SLC24A2: variants seen among roughly 807,000 people sequenced by gnomAD.
SLC24A2 encodes the protein solute carrier family 24 member 2, also known as sodium/potassium/calcium exchanger 2.
In SLC24A2, 36 loss-of-function variants were observed where a neutral mutation model predicts 62.0. The ratio of observed to expected loss-of-function variants is 0.58; its 90% CI spans 0.44 to 0.77. The LOEUF (loss-of-function observed/expected upper bound fraction) is 0.77. Among genes scored for constraint, SLC24A2 ranks in the 30% least tolerant of loss-of-function variants. SLC24A2 has a pLI of 0.00. For missense variants in SLC24A2, 846 were observed against 817.9 expected (o/e 1.03, Z -0.42); for synonymous variants, 358 against 294.0 (o/e 1.22, Z -2.23).
At chr9:19,814,627 C>T in the SLC24A2 span, among the ~76,000 whole-genome samples, 559 of 152,198 alleles carry the variant, frequency 3.7e-3, 7 homozygotes, top group African/African-American at 0.013. Context: ...GTGTCTAGGG[C>T]CATAATCTGC....
the SLC24A2 span, among the ~76,000 whole-genome samples, chr9:20,233,951 G>C: frequency 3.3e-5 from 5 of 152,160 alleles, no homozygotes; most frequent in Non-Finnish European, 7.3e-5. Flanking sequence ...GCTTTTGCTT[G>C]TCTGTAAAGT....
the SLC24A2 span, among the ~76,000 whole-genome samples, chr9:20,090,949 C>T: frequency 1.3e-5 from 2 of 151,660 alleles, no homozygotes; most frequent in South Asian, 4.2e-4. Flanking sequence ...TCCAAGGAAA[C>T]AGAATCACAA....
chr9:19,524,063 G>A (rs894966767), intron 9 of SLC24A2, among the ~76,000 whole-genome samples: 1 of 149,708 alleles, frequency 6.7e-6, no homozygotes, highest in Non-Finnish European at 1.5e-5. Flanking sequence ...TGAAAAATCA[G>A]GGAGCATCAG....
the SLC24A2 span, among the ~76,000 whole-genome samples, chr9:20,129,968 G>A: frequency 1.5e-5 from 1 of 64,696 alleles, no homozygotes; most frequent in Non-Finnish European, 4.8e-5. Flanking sequence ...CACACACAGA[G>A]GTTAAGATTT....
chr9:20,114,888 C>T, the SLC24A2 span, among the ~76,000 whole-genome samples: 1 of 152,166 alleles, frequency 6.6e-6, no homozygotes, highest in Non-Finnish European at 1.5e-5. Context: ...TTCTATAAAA[C>T]AAATTGACAA....
rs548657141 is a variant in SLC24A2, at chr9:19,546,081, T to G, written c.1479+4056A>C. 1.2e-3 allele frequency among the ~76,000 whole-genome samples: 182 copies of G among 152,326 alleles called. 1 individual carries two copies. The highest frequency in any genetic ancestry group is 4.1e-3 in the African/African-American group (171 of 41,570). The stretch of plus-strand genomic sequence containing the variant: ...CGTGTTGTTTCCTCTGGAACCTTTG[T>G]CTCATACGGGCACCTGCCAGATGCC... On this transcript the variant is annotated intron_variant, in intron 8 of 10. Coordinates refer to ENST00000341998, the MANE Select transcript of SLC24A2 (RefSeq NM_020344.4).
chr9:20,295,761 C>T, the SLC24A2 span, among the ~76,000 whole-genome samples: 1 of 152,182 alleles, frequency 6.6e-6, no homozygotes, highest in Admixed American at 6.5e-5. Context: ...GTTACACCAT[C>T]TGCTTTCTAG....
the SLC24A2 span, among the ~76,000 whole-genome samples, chr9:20,025,332 G>A: frequency 6.6e-6 from 1 of 152,044 alleles, no homozygotes; most frequent in Non-Finnish European, 1.5e-5. Context: ...GAATAAATGA[G>A]TGGTAAATCA....
chr9:19,829,442 T>A, the SLC24A2 span, among the ~76,000 whole-genome samples: 1 of 152,194 alleles, frequency 6.6e-6, no homozygotes, highest in Non-Finnish European at 1.5e-5. Context: ...AATGAATGAT[T>A]TGAAAGGCAT....
chr9:20,235,241 C>G, the SLC24A2 span, among the ~76,000 whole-genome samples: 2 of 152,210 alleles, frequency 1.3e-5, no homozygotes, highest in African/African-American at 4.8e-5. Context: ...GAACCATGCT[C>G]TCTTCAAAGC....
At chr9:19,862,517 A>G in the SLC24A2 span, among the ~76,000 whole-genome samples, 2 of 152,118 alleles carry the variant, frequency 1.3e-5, no homozygotes. Flanking sequence ...CTCACTGGTA[A>G]TCGTTAAGTA....
chr9:19,739,966 C>T (rs1175346178), intron 2 of SLC24A2, among the ~76,000 whole-genome samples: 1 of 152,134 alleles, frequency 6.6e-6, no homozygotes, highest in East Asian at 1.9e-4. Context: ...AAATCAATTA[C>T]AGAATATATT....
chr9:19,934,121 A>G, the SLC24A2 span, among the ~76,000 whole-genome samples: 1 of 152,252 alleles, frequency 6.6e-6, no homozygotes, highest in East Asian at 1.9e-4. The surrounding 1 kb of genome is among the most constrained non-coding windows in gnomAD (Gnocchi z 4.1). Context: ...ATTTTATAGT[A>G]TCTGAATTAT....
chr9:19,738,265 T>C (rs1821568160), intron 2 of SLC24A2, among the ~76,000 whole-genome samples: 1 of 152,318 alleles, frequency 6.6e-6, no homozygotes, highest in Non-Finnish European at 1.5e-5. Context: ...GCACAACTTA[T>C]AAACTTTCAT....
At chr9:19,892,454 G>C in the SLC24A2 span, among the ~76,000 whole-genome samples, 4 of 152,106 alleles carry the variant, frequency 2.6e-5, no homozygotes, top group African/African-American at 9.7e-5. Flanking sequence ...AATATTCTTA[G>C]TGCCTAGAGC....
chr9:20,189,170 T>A, the SLC24A2 span, among the ~76,000 whole-genome samples: 1 of 151,724 alleles, frequency 6.6e-6, no homozygotes, highest in Admixed American at 6.6e-5. Flanking sequence ...AGCAAGAAGT[T>A]GGTTCGATCT....
the SLC24A2 span, among the ~76,000 whole-genome samples, chr9:20,015,870 G>A: frequency 6.6e-6 from 1 of 152,148 alleles, no homozygotes; most frequent in Non-Finnish European, 1.5e-5. Context: ...CAAGGCAACA[G>A]GAAATGTCCC....
chr9:20,278,904 T>C, the SLC24A2 span, among the ~76,000 whole-genome samples: 2 of 152,122 alleles, frequency 1.3e-5, no homozygotes, highest in African/African-American at 4.8e-5. Context: ...GGGTTATTTA[T>C]AAAGGAAAGA....
At chr9:20,046,723 G>C in the SLC24A2 span, among the ~76,000 whole-genome samples, 3 of 152,078 alleles carry the variant, frequency 2.0e-5, no homozygotes, top group Non-Finnish European at 4.4e-5. Context: ...CTCTGTGGTG[G>C]GACACTGCCC....
Sources: gnomAD v4.1 joint callset for allele counts (sites outside exome capture counted in the v4.1 genomes callset) on GRCh38, gnomAD v4.1.1 for gene constraint, Gnocchi (gnomAD v3.1) non-coding constraint, MANE v1.5 for transcripts, NCBI Gene and HGNC (gene_info 2026-07-23, HGNC 2026-07-21) for gene names.